Variants in PAPPA observed in about 807,000 individuals in gnomAD.
PAPPA encodes the protein pappalysin 1.
Under a neutral mutation model 164.0 loss-of-function variants are expected in PAPPA, and 60 were observed. The ratio of observed to expected loss-of-function variants is 0.37; its 90% CI spans 0.30 to 0.45. PAPPA has a LOEUF of 0.45. Ranked by LOEUF, PAPPA falls within the 20% of genes least tolerant of loss-of-function variation. The probability of loss-of-function intolerance (pLI) is 1.00; values close to 1 mark genes in which losing one functional copy is unlikely to be tolerated. For missense variants in PAPPA, 1,782 were observed against 2,087.3 expected (o/e 0.85, Z 2.85); for synonymous variants, 875 against 814.1 (o/e 1.07, Z -1.27).
At chr9:116,382,278 G>A (rs1041105344) in intron 20 of PAPPA, 117 bp from the exon 21 acceptor site, 33 of 702,024 alleles carry the variant, frequency 4.7e-5, no homozygotes, top group Non-Finnish European at 8.1e-5. Context: ...AGCCTGGCCA[G>A]CTAATCGTGG....
At chr9:116,392,791 C>T (rs1474476289) in intron 21 of PAPPA, among the ~76,000 whole-genome samples, 1 of 152,134 alleles carries the variant, frequency 6.6e-6, no homozygotes, top group African/African-American at 2.4e-5. Flanking sequence ...CTCACTAGAG[C>T]CCTTCGAGGT....
intron 21 of PAPPA, among the ~76,000 whole-genome samples, chr9:116,383,823 T>A (rs1002330575): frequency 3.3e-5 from 5 of 152,202 alleles, no homozygotes; most frequent in African/African-American, 1.2e-4. Context: ...GATAGGACAC[T>A]GAAGACGTAC....
rs1844655948 is a variant in PAPPA, at chr9:116,235,638, G to T, written c.2732+1G>T. On this transcript the variant is annotated splice_donor_variant, in intron 7 of 21. Transcript: ENST00000328252. LOFTEE classifies it high-confidence loss of function. ...ATCTCAATAGGAAATTCGTAGACAT[G>T]TAAGTGCATTCTCTGAATAGGGAGT... is the stretch of plus-strand genomic sequence containing the variant. 6.2e-7 allele frequency: 1 copy of T among 1,612,826 alleles called. No individual in the cohort carries two copies. Among genetic ancestry groups the T allele is most frequent in the Non-Finnish European group, 8.5e-7 (1 of 1,179,840 alleles).
At chr9:116,311,193 C>T (rs529989502) in intron 10 of PAPPA, among the ~76,000 whole-genome samples, 1 of 151,924 alleles carries the variant, frequency 6.6e-6, no homozygotes, top group Admixed American at 6.6e-5. Context: ...CCCTGAACCT[C>T]TCAATCCCAT....
At chr9:116,191,675 C>G (rs1246539303) in intron 2 of PAPPA, among the ~76,000 whole-genome samples, 1 of 152,074 alleles carries the variant, frequency 6.6e-6, no homozygotes, top group Non-Finnish European at 1.5e-5. Context: ...ACTAGGAAAA[C>G]AAGGCAAATC....
intron 21 of PAPPA, among the ~76,000 whole-genome samples, chr9:116,394,052 A>C (rs2118733415): frequency 6.6e-6 from 1 of 152,312 alleles, no homozygotes; most frequent in East Asian, 1.9e-4. Flanking sequence ...TCAATGGGAA[A>C]GTGTTACAGA....
Position 116,334,998 on chromosome 9 carries a change from C to T in PAPPA, c.3535C>T (p.Arg1179Cys). The T allele has an allele frequency of 3.1e-6, 5 of 1,612,178 alleles. No homozygotes were observed. Among genetic ancestry groups the T allele is most frequent in the Non-Finnish European group, 3.4e-6 (4 of 1,179,416 alleles). The part of the protein sequence containing the change: ...PLVAISGVAL[R>C]SFDNFDPVTL... ...GGTCGCCATCTCGGGGGTGGCCCTC[C>T]GTTCCTTCGACAACTTTGACCCCGT... Residue 1179 changes from arginine to cysteine, a missense_variant, in exon 13 of 22, where the codon CGT (arginine) becomes TGT (cysteine). Physicochemically the swap from Arg to Cys is radical, Grantham distance 180 (BLOSUM62 -3). This residue lies in a region of PAPPA where 1,324 missense variants were observed against 1,656.9 expected (regional missense o/e 0.80). Transcript: ENST00000328252.
At chr9:116,360,077 A>G (rs955924012) in intron 17 of PAPPA, among the ~76,000 whole-genome samples, 9 of 152,194 alleles carry the variant, frequency 5.9e-5, no homozygotes, top group African/African-American at 2.2e-4. Flanking sequence ...TACTTCTAAT[A>G]CATTCTCTGT....
chr9:116,185,239 T>G (rs1267470718), intron 1 of PAPPA, among the ~76,000 whole-genome samples: 1 of 152,222 alleles, frequency 6.6e-6, no homozygotes, highest in East Asian at 1.9e-4. Flanking sequence ...TCACTAAGGT[T>G]GTCCTGATGG....
chr9:116,172,686 A>G (rs768735822), intron 1 of PAPPA, among the ~76,000 whole-genome samples: 1 of 152,088 alleles, frequency 6.6e-6, no homozygotes, highest in Non-Finnish European at 1.5e-5. Context: ...CCTCCTCATC[A>G]ATCTTCTCTG....
In PAPPA at chr9:116,188,630, C is replaced by A. The variant is rs114331163; in HGVS notation, c.1478+414C>A. Among the ~76,000 whole-genome samples the A allele has an allele frequency of 4.6e-3, 700 of 152,256 alleles. 2 individuals are homozygous for A. Among genetic ancestry groups the A allele is most frequent in the African/African-American group, 0.016 (662 of 41,544 alleles). ...GTTAAATAAAACTCAAAATTCAATT[C>A]CTGAGTTTCATTAGCCACATTTCAA... is the stretch of plus-strand genomic sequence containing the variant. On this transcript the variant is annotated intron_variant, in intron 2 of 21. Coordinates refer to ENST00000328252, the MANE Select transcript of PAPPA (RefSeq NM_002581.5).
chr9:116,194,570 G>C lies in PAPPA; in HGVS notation c.1478+6354G>C, dbSNP rs554018203. Among the ~76,000 whole-genome samples, 48 of 152,290 alleles carry C rather than the reference G, an allele frequency of 3.2e-4. No homozygotes were observed. The Middle Eastern group carries it at 0.01, about 32-fold the overall frequency. On this transcript the variant is annotated intron_variant, in intron 2 of 21. Coordinates refer to ENST00000328252, the MANE Select transcript of PAPPA (RefSeq NM_002581.5). The stretch of plus-strand genomic sequence containing the variant: ...TGACCAGGGTTTGAATCTTGGCTCC[G>C]CTCTGCACTAGCTGTCTGACCTTGG...
chr9:116,365,627 A>G (rs182818137), intron 18 of PAPPA, among the ~76,000 whole-genome samples: 11 of 141,200 alleles, frequency 7.8e-5, no homozygotes, highest in Admixed American at 3.0e-4. Context: ...TTTTTTTCAA[A>G]AGGATTTTAT....
intron 1 of PAPPA, among the ~76,000 whole-genome samples, chr9:116,156,165 A>G (rs951715325): frequency 1.3e-5 from 2 of 149,788 alleles, no homozygotes; most frequent in Admixed American, 1.3e-4. Flanking sequence ...ACCTAGTACC[A>G]GTGATTTGGA....
At chr9:116,298,295 G>A (rs1845535577) in intron 9 of PAPPA, among the ~76,000 whole-genome samples, 1 of 152,152 alleles carries the variant, frequency 6.6e-6, no homozygotes, top group African/African-American at 2.4e-5. Flanking sequence ...ATCTGCCTCG[G>A]GCTCTTGAAG....
Position 116,344,472 on chromosome 9 carries a change from C to A in PAPPA, c.3612-71C>A, listed in dbSNP as rs1846180093. The A allele has an allele frequency of 4.0e-6, 6 of 1,486,566 alleles. No individual in the cohort carries two copies. In the South Asian group the frequency reaches 7.6e-5, roughly 19 times the overall value. The allele number at this position is 1,486,566 out of a possible 1,614,324, so 92.1% of individuals were successfully genotyped here. The stretch of plus-strand genomic sequence containing the variant: ...AATCTTGGAGAAAGAGGCTCTTAGC[C>A]TTTATCTTCCAACTGAGCATAGCTG... On this transcript the variant is annotated intron_variant, in intron 13 of 21. Coordinates refer to ENST00000328252, the MANE Select transcript of PAPPA (RefSeq NM_002581.5).
At chr9:116,184,942 T>G (rs1843951877) in intron 1 of PAPPA, among the ~76,000 whole-genome samples, 1 of 152,126 alleles carries the variant, frequency 6.6e-6, no homozygotes, top group Non-Finnish European at 1.5e-5. Flanking sequence ...AAGAAAACAG[T>G]TCGGCAGAGA....
chr9:116,310,015 G>A (rs766732280), intron 10 of PAPPA, among the ~76,000 whole-genome samples: 2 of 152,114 alleles, frequency 1.3e-5, no homozygotes, highest in Non-Finnish European at 2.9e-5. Flanking sequence ...TCTTTCTTCT[G>A]TTTTCTTTTC....
chr9:116,246,109 A>G (rs974454580), intron 7 of PAPPA, among the ~76,000 whole-genome samples: 2 of 152,340 alleles, frequency 1.3e-5, no homozygotes, highest in South Asian at 4.1e-4. Flanking sequence ...GTGTATTTGA[A>G]TGAATTATCC....
Sources: allele counts gnomAD v4.1 joint callset (sites outside exome capture counted in the v4.1 genomes callset), GRCh38; gene constraint gnomAD v4.1.1; regional missense constraint gnomAD v4.1.1; transcripts MANE v1.5; gene names NCBI Gene and HGNC (gene_info 2026-07-23, HGNC 2026-07-21).